CHN1: variants seen among roughly 807,000 people sequenced by gnomAD.
CHN1 encodes chimerin 1, also known as N-chimaerin.
Under a neutral mutation model 59.5 loss-of-function variants are expected in CHN1, and 37 were observed. The observed-to-expected ratio is 0.62, with a 90% CI of 0.48 to 0.82. The LOEUF is 0.82. CHN1 is among the 40% of genes least tolerant of loss of function. The probability of loss-of-function intolerance (pLI) is 0.00; values close to 1 mark genes in which losing one functional copy is unlikely to be tolerated. For synonymous variants in CHN1, 206 were observed against 200.4 expected, an observed-to-expected ratio of 1.03 and a Z score of -0.24; for missense variants, 469 against 571.0, an observed-to-expected ratio of 0.82 and a Z score of 1.82.
intron 6 of CHN1, among the ~76,000 whole-genome samples, chr2:174,872,539 A>G (rs1687441642): frequency 6.6e-6 from 1 of 152,188 alleles, no homozygotes; most frequent in Non-Finnish European, 1.5e-5. Flanking sequence ...TGCAAATACC[A>G]CAGGAAAATA....
intron 1 of CHN1, among the ~76,000 whole-genome samples, chr2:174,983,125 T>C (rs1052429531): frequency 2.0e-5 from 3 of 152,178 alleles, no homozygotes; most frequent in Non-Finnish European, 2.9e-5. Context: ...ATGCTAGTAA[T>C]GTTATATCTT....
At chr2:174,910,437 A>G (rs369765852) in intron 5 of CHN1, among the ~76,000 whole-genome samples, 2 of 152,252 alleles carry the variant, frequency 1.3e-5, no homozygotes, top group African/African-American at 4.8e-5. Context: ...GAGTCTAAAC[A>G]AATGTACTCT....
intron 7 of CHN1, among the ~76,000 whole-genome samples, chr2:174,829,631 G>A (rs1259520996): frequency 6.6e-6 from 1 of 152,162 alleles, no homozygotes; most frequent in Non-Finnish European, 1.5e-5. Context: ...AATAGCCAAG[G>A]AGCATGCCTG....
At chr2:174,897,370 T>G (rs774385395) in intron 5 of CHN1, among the ~76,000 whole-genome samples, 4 of 152,072 alleles carry the variant, frequency 2.6e-5, no homozygotes, top group African/African-American at 9.7e-5. Flanking sequence ...AGATCAACAT[T>G]TGCCTTAAGA....
At chr2:174,892,028 A>C (rs906022371) in intron 5 of CHN1, among the ~76,000 whole-genome samples, 1 of 152,206 alleles carries the variant, frequency 6.6e-6, no homozygotes, top group African/African-American at 2.4e-5. Flanking sequence ...TAAACATATA[A>C]CCTACCAAGA....
At chr2:174,838,092 C>T (rs566484864) in intron 7 of CHN1, among the ~76,000 whole-genome samples, 75 of 152,070 alleles carry the variant, frequency 4.9e-4, no homozygotes, top group Admixed American at 1.2e-3. Context: ...GTAAACCTCA[C>T]TCTTTTTTTT....
chr2:174,812,272 A>G, intron 9 of CHN1, 37 bp downstream of exon 9: 2 of 1,571,926 alleles, frequency 1.3e-6, no homozygotes, highest in East Asian at 2.3e-5. Context: ...CTGGTAGTGA[A>G]CGGAGACCAC....
chr2:174,883,964 T>A (rs1687815715), intron 5 of CHN1, among the ~76,000 whole-genome samples: 1 of 147,296 alleles, frequency 6.8e-6, no homozygotes, highest in South Asian at 2.1e-4. Context: ...AAGTCTAACT[T>A]CTTTTTTTTT....
intron 6 of CHN1, among the ~76,000 whole-genome samples, chr2:174,861,990 G>T (rs548182607): frequency 2.6e-5 from 4 of 152,168 alleles, no homozygotes; most frequent in Admixed American, 1.3e-4. Context: ...AATTTAGGCA[G>T]TATCTATCAT....
intron 1 of CHN1, among the ~76,000 whole-genome samples, chr2:174,999,695 T>C (rs965416032): frequency 6.6e-6 from 1 of 152,214 alleles, no homozygotes. Context: ...GTATTTACGT[T>C]ATGCAGAAAG....
chr2:174,850,628 A>G (rs1274482150), intron 6 of CHN1, among the ~76,000 whole-genome samples: 2 of 152,192 alleles, frequency 1.3e-5, no homozygotes, highest in East Asian at 3.8e-4. Context: ...TATAAGACAC[A>G]GGTCCCTGCC....
intron 3 of CHN1, among the ~76,000 whole-genome samples, chr2:174,927,026 G>C (rs1469949067): frequency 6.6e-6 from 1 of 152,008 alleles, no homozygotes; most frequent in African/African-American, 2.4e-5. Context: ...CCAAAGTCCT[G>C]AGATTACAGG....
intron 5 of CHN1, among the ~76,000 whole-genome samples, chr2:174,887,876 C>G (rs949200501): frequency 1.3e-5 from 2 of 152,150 alleles, no homozygotes; most frequent in East Asian, 3.8e-4. Flanking sequence ...TGCAATTCTA[C>G]TAAATAAGCC....
At chr2:174,856,199 G>C (rs192791096) in intron 6 of CHN1, among the ~76,000 whole-genome samples, 1 of 152,192 alleles carries the variant, frequency 6.6e-6, no homozygotes, top group African/African-American at 2.4e-5. Context: ...CTTAAATTAT[G>C]TTGGGATAAA....
intron 1 of CHN1, among the ~76,000 whole-genome samples, chr2:174,953,433 T>C (rs1485354886): frequency 6.6e-6 from 1 of 152,138 alleles, no homozygotes; most frequent in Admixed American, 6.5e-5. Context: ...TGTTCAAATA[T>C]GTCTGCTTCA....
At chr2:174,940,230 C>T (rs1468733103) in intron 3 of CHN1, among the ~76,000 whole-genome samples, 1 of 151,954 alleles carries the variant, frequency 6.6e-6, no homozygotes. Flanking sequence ...TGTTTCACCA[C>T]GTTGGCCAGG....
intron 6 of CHN1, among the ~76,000 whole-genome samples, chr2:174,865,615 A>G (rs1193529739): frequency 6.6e-6 from 1 of 152,328 alleles, no homozygotes; most frequent in East Asian, 1.9e-4. Context: ...TATTTCTGTT[A>G]TAATTCTAAG....
chr2:174,945,474 T>C (rs1376319325), intron 2 of CHN1, among the ~76,000 whole-genome samples: 2 of 152,150 alleles, frequency 1.3e-5, no homozygotes, highest in East Asian at 1.9e-4. Context: ...AGGGCAAATA[T>C]AGCAAAAGAA....
chr2:174,908,710 G>C (rs577524269), intron 5 of CHN1, among the ~76,000 whole-genome samples: 1 of 152,124 alleles, frequency 6.6e-6, no homozygotes, highest in Non-Finnish European at 1.5e-5. Flanking sequence ...TATCTGGCAC[G>C]ATATAGAAGC....
Sources: gnomAD v4.1 joint callset for allele counts (sites outside exome capture counted in the v4.1 genomes callset) on GRCh38, gnomAD v4.1.1 for gene constraint, MANE v1.5 for transcripts, NCBI Gene and HGNC (gene_info 2026-07-23, HGNC 2026-07-21) for gene names.